ABHD12B: variants seen among roughly 807,000 people sequenced by gnomAD.
The protein encoded by ABHD12B is protein ABHD12B.
A neutral mutation model predicts 50.4 loss-of-function variants in ABHD12B; 42 were observed. That is an observed-to-expected ratio of 0.83 (90% confidence interval 0.65 to 1.08). The LOEUF (loss-of-function observed/expected upper bound fraction) is 1.08, where lower values mean the gene tolerates loss of function less well. Ranked by LOEUF, ABHD12B falls within the 50% of genes least tolerant of loss-of-function variation. The pLI is 0.00. For missense variants in ABHD12B, 479 were observed against 447.7 expected (o/e 1.07, Z -0.63); for synonymous variants, 167 against 160.3 (o/e 1.04, Z -0.32).
intron 2 of ABHD12B, 113 bp from the exon 3 acceptor site, chr14:50,878,632 G>A: frequency 2.4e-6 from 2 of 817,782 alleles, no homozygotes; most frequent in Non-Finnish European, 3.9e-6. Context: ...GTTTAGTGTA[G>A]TAGCTTGCAA....
At chr14:50,881,800 G>T (rs2049953103) in intron 5 of ABHD12B, among the ~76,000 whole-genome samples, 174 bp downstream of exon 5, 1 of 152,104 alleles carries the variant, frequency 6.6e-6, no homozygotes, top group Admixed American at 6.5e-5. Context: ...CTCCTACACT[G>T]ATCAAAACAG....
intron 8 of ABHD12B, among the ~76,000 whole-genome samples, chr14:50,887,679 G>C (rs187064346): frequency 6.6e-6 from 1 of 152,160 alleles, no homozygotes; most frequent in Non-Finnish European, 1.5e-5. Context: ...CTCTTCTCCT[G>C]AAAGGCAGTT....
At chr14:50,898,390 A>G (rs1014289347) in intron 9 of ABHD12B, among the ~76,000 whole-genome samples, 3 of 152,188 alleles carry the variant, frequency 2.0e-5, no homozygotes, top group East Asian at 1.9e-4. Context: ...CTTGCTGTCT[A>G]GTTGTTGTTT....
In ABHD12B at chr14:50,881,642, C is replaced by T; in HGVS notation, c.486+16C>T. On this transcript the variant is annotated intron_variant, in intron 5 of 12. Coordinates refer to ENST00000337334, the MANE Select transcript of ABHD12B (RefSeq NM_001206673.2). ...GCTGGTAAAGGTATGTCTGAAGAGG[C>T]CTCAAAGCACCCATTTCATAAGTCT... The T allele has an allele frequency of 6.2e-7, 1 of 1,610,742 alleles. No individual in the cohort carries two copies. Among genetic ancestry groups the T allele is most frequent in the African/African-American group, 1.3e-5 (1 of 74,134 alleles).
Position 50,904,067 on chromosome 14 carries a change from C to G in ABHD12B, c.943-7C>G. On this transcript the variant is annotated splice_region_variant and splice_polypyrimidine_tract_variant and intron_variant, in intron 11 of 12. Coordinates refer to ENST00000337334, the MANE Select transcript of ABHD12B (RefSeq NM_001206673.2). The stretch of plus-strand genomic sequence containing the variant: ...CCATCCTTTGAGTCTCTTTCTGTCG[C>G]TTGCAGCTCTATGAAATTGCACGCA... 6.2e-7 allele frequency: 1 copy of G among 1,608,558 alleles called. No individual in the cohort carries two copies. The highest frequency in any genetic ancestry group is 8.5e-7 in the Non-Finnish European group (1 of 1,176,362).
chr14:50,872,088 C>G lies in ABHD12B; in HGVS notation c.-87C>G, dbSNP rs2142708010. On this transcript the variant is annotated 5_prime_UTR_variant, in exon 1 of 13. Coordinates refer to ENST00000337334, the MANE Select transcript of ABHD12B (RefSeq NM_001206673.2). ...ACCGCGCGGAGGAGGAGGGCGGGCG[C>G]GGTGCCGCCGGGGCGGGAAGGTCGC... 1 of 1,028,572 alleles carries G rather than the reference C, an allele frequency of 9.7e-7. No homozygotes were observed. The highest frequency in any genetic ancestry group is 4.6e-5 in the Admixed American group (1 of 21,860). The allele number at this position is 1,028,572 out of a possible 1,614,324, so 63.7% of individuals were successfully genotyped here.
Position 50,904,553 on chromosome 14 carries a change from C to T in ABHD12B, c.*187C>T. On this transcript the variant is annotated 3_prime_UTR_variant, in exon 13 of 13. Coordinates refer to ENST00000337334, the MANE Select transcript of ABHD12B (RefSeq NM_001206673.2). ...GGCAGTATGGAATGTTCTTATTTAG[C>T]TTATCATAATCTACTTTGTAAAACA... 1.4e-6 allele frequency: 1 copy of T among 713,046 alleles called. No homozygotes were observed. Among genetic ancestry groups the T allele is most frequent in the South Asian group, 1.8e-5 (1 of 54,830 alleles). The allele number at this position is 713,046 out of a possible 1,614,324, so 44.2% of individuals were successfully genotyped here.
Position 50,904,819 on chromosome 14 carries a change from T to A in ABHD12B, c.*453T>A. 1 of 233,466 alleles carries A rather than the reference T, an allele frequency of 4.3e-6. No individual in the cohort carries two copies. 14.5% of individuals were successfully genotyped at this position (233,466 alleles called of 1,614,324 possible). A position where few individuals can be genotyped will look rare whatever the true frequency, so the allele number is the denominator to read the frequency against. On this transcript the variant is annotated 3_prime_UTR_variant, in exon 13 of 13. Coordinates refer to ENST00000337334, the MANE Select transcript of ABHD12B (RefSeq NM_001206673.2). ...TATAAATTATGACCAAAAGAGCTCT[T>A]CACTCCTCCTACCATTTGAGGATAC...
In ABHD12B at chr14:50,904,709, C is replaced by G; in HGVS notation, c.*343C>G. The G allele has an allele frequency of 2.8e-6, 1 of 363,010 alleles. No homozygotes were observed. The highest frequency in any genetic ancestry group is 3.1e-5 in the South Asian group (1 of 32,142). The allele number at this position is 363,010 out of a possible 1,614,324, so 22.5% of individuals were successfully genotyped here. ...CTATGGTCCGAATATCTGGGCCTGC[C>G]CCCCCAAATTATGCTGAAACCTAAT... On this transcript the variant is annotated 3_prime_UTR_variant, in exon 13 of 13. Coordinates refer to ENST00000337334, the MANE Select transcript of ABHD12B (RefSeq NM_001206673.2).
chr14:50,903,321 A>G, intron 10 of ABHD12B, 68 bp from the exon 11 acceptor site: 1 of 1,267,130 alleles, frequency 7.9e-7, no homozygotes, highest in South Asian at 1.3e-5. Context: ...CTAAAGCTTT[A>G]ACTTAGAAGA....
Position 50,903,371 on chromosome 14 carries a change from T to C in ABHD12B, c.864-18T>C. The C allele has an allele frequency of 6.3e-7, 1 of 1,590,870 alleles. No individual in the cohort carries two copies. The highest frequency in any genetic ancestry group is 1.1e-5 in the South Asian group (1 of 90,254). On this transcript the variant is annotated intron_variant, in intron 10 of 12. Coordinates refer to ENST00000337334, the MANE Select transcript of ABHD12B (RefSeq NM_001206673.2). Reference sequence around the variant, plus strand: ...GTATCATTCTTTAACTGAATGCTTTTCTTCTACTTGTCCCTAGTGTTAAAT... The same window carrying C: ...GTATCATTCTTTAACTGAATGCTTTCCTTCTACTTGTCCCTAGTGTTAAAT...
intron 8 of ABHD12B, 90 bp from the exon 9 acceptor site, chr14:50,888,733 AT>A: frequency 9.3e-7 from 1 of 1,073,834 alleles, no homozygotes; most frequent in Non-Finnish European, 1.4e-6. Context: ...CACGTAGCTC[AT>A]GTACAAGATC....
chr14:50,887,280 C>T (rs1481710415), intron 8 of ABHD12B, among the ~76,000 whole-genome samples: 1 of 138,320 alleles, frequency 7.2e-6, no homozygotes, highest in Non-Finnish European at 1.6e-5. Context: ...TAAAAAAATA[C>T]TGTATCATTA....
At chr14:50,878,686 T>A in intron 2 of ABHD12B, 59 bp from the exon 3 acceptor site, 3 of 1,395,202 alleles carry the variant, frequency 2.2e-6, no homozygotes, top group Non-Finnish European at 3.0e-6. Context: ...CTTTCTTTGA[T>A]TGTGATTAAA....
chr14:50,902,251 A>C (rs2050268316), intron 10 of ABHD12B, among the ~76,000 whole-genome samples: 1 of 152,114 alleles, frequency 6.6e-6, no homozygotes, highest in South Asian at 2.1e-4. Flanking sequence ...GGGAGGCTGA[A>C]GTGAGAGGAT....
At chr14:50,886,938 C>T (rs58172113) in intron 8 of ABHD12B, among the ~76,000 whole-genome samples, 147,707 of 152,282 alleles carry the variant, frequency 0.97, 71,797 homozygotes, top group Middle Eastern at 1. Context: ...CCTCCTTGGC[C>T]GATGTGGTGG....
intron 9 of ABHD12B, 28 bp downstream of exon 9, chr14:50,888,931 G>C (rs750435273): frequency 3.5e-5 from 56 of 1,586,886 alleles, no homozygotes; most frequent in Non-Finnish European, 4.8e-5. Flanking sequence ...CTTTACAAGG[G>C]ATCAAAGTAG....
At chr14:50,880,306 G>A (rs1307347566) in intron 3 of ABHD12B, 146 bp from the exon 4 acceptor site, 6 of 863,724 alleles carry the variant, frequency 6.9e-6, no homozygotes, top group South Asian at 4.5e-5. Flanking sequence ...TTTTTGTGGT[G>A]TTAGATTTTT....
intron 9 of ABHD12B, among the ~76,000 whole-genome samples, chr14:50,898,477 G>A (rs1265182692): frequency 6.6e-6 from 1 of 152,140 alleles, no homozygotes; most frequent in Non-Finnish European, 1.5e-5. Flanking sequence ...ATGTTTATCT[G>A]GTGGTGTTAC....
Sources: gnomAD v4.1 joint callset for allele counts (sites outside exome capture counted in the v4.1 genomes callset) on GRCh38, gnomAD v4.1.1 for gene constraint, MANE v1.5 for transcripts, NCBI Gene and HGNC (gene_info 2026-07-23, HGNC 2026-07-21) for gene names.